Variants in DPP10 observed in about 807,000 individuals in gnomAD.
DPP10 encodes the protein dipeptidyl peptidase like 10.
DPP10 carries 33 observed loss-of-function variants against 120.9 expected under a neutral mutation model. The observed-to-expected ratio is 0.27, with a 90% CI of 0.21 to 0.37. The LOEUF (loss-of-function observed/expected upper bound fraction) is 0.37, where lower values mean the gene tolerates loss of function less well. DPP10 is among the 10% of genes least tolerant of loss of function. The pLI is 1.00. For synonymous variants in DPP10, 337 were observed against 326.1 expected (o/e 1.03, Z -0.36); for missense variants, 816 against 942.8 (o/e 0.87, Z 1.76).
At chr2:115,369,511 T>C (rs943021087) in intron 3 of DPP10, among the ~76,000 whole-genome samples, 1 of 152,022 alleles carries the variant, frequency 6.6e-6, no homozygotes, top group African/African-American at 2.4e-5. Context: ...GTTAGAAAGA[T>C]GAATGAGGGA....
intron 1 of DPP10, among the ~76,000 whole-genome samples, chr2:114,512,669 T>C (rs1684244253): frequency 6.6e-6 from 1 of 152,224 alleles, no homozygotes; most frequent in African/African-American, 2.4e-5. Context: ...TTACATATCA[T>C]GAGTTACCCA....
At chr2:115,783,330 C>T (rs767225884) in intron 17 of DPP10, among the ~76,000 whole-genome samples, 1 of 152,038 alleles carries the variant, frequency 6.6e-6, no homozygotes, top group East Asian at 1.9e-4. Context: ...CAGTCTGACT[C>T]GAGAATAGGT....
At chr2:114,869,117 C>G (rs865900102) in intron 1 of DPP10, among the ~76,000 whole-genome samples, 2 of 152,028 alleles carry the variant, frequency 1.3e-5, no homozygotes, top group African/African-American at 4.8e-5. Context: ...GGCTTCAGAG[C>G]AACACTGTAC....
intron 1 of DPP10, among the ~76,000 whole-genome samples, chr2:114,538,601 C>T (rs995868547): frequency 3.9e-5 from 6 of 152,106 alleles, no homozygotes; most frequent in Non-Finnish European, 7.4e-5. Flanking sequence ...AAATTGAGTC[C>T]TATTATTCCA....
intron 1 of DPP10, among the ~76,000 whole-genome samples, chr2:115,086,474 T>A (rs13028194): frequency 0.79 from 112,590 of 141,962 alleles, 45,404 homozygotes; most frequent in Non-Finnish European, 0.88. Context: ...TTTTTTTTTG[T>A]GACGGAGTCT....
chr2:115,173,580 T>G (rs986073952), intron 1 of DPP10, among the ~76,000 whole-genome samples: 1 of 152,238 alleles, frequency 6.6e-6, no homozygotes, highest in Non-Finnish European at 1.5e-5. Context: ...CAGCCAATTT[T>G]TAAGGAGAAA....
chr2:115,611,779 G>T (rs1261376904), intron 5 of DPP10, among the ~76,000 whole-genome samples: 1 of 152,012 alleles, frequency 6.6e-6, no homozygotes, highest in East Asian at 1.9e-4. Context: ...CTTATTAGTA[G>T]GGTTGCCTTG....
At chr2:115,620,703 T>C in intron 5 of DPP10, among the ~76,000 whole-genome samples, 1 of 152,220 alleles carries the variant, frequency 6.6e-6, no homozygotes, top group East Asian at 1.9e-4. Flanking sequence ...TTTTACCAGG[T>C]ACTTTCTCTA....
intron 1 of DPP10, among the ~76,000 whole-genome samples, chr2:115,172,892 G>C (rs1237536531): frequency 6.6e-6 from 1 of 152,118 alleles, no homozygotes; most frequent in African/African-American, 2.4e-5. Context: ...AAGCTTAAGG[G>C]CATCTTTAAT....
intron 1 of DPP10, among the ~76,000 whole-genome samples, chr2:114,530,592 A>G (rs1015874973): frequency 2.6e-5 from 4 of 152,242 alleles, no homozygotes; most frequent in African/African-American, 9.6e-5. Context: ...AGCATCCACA[A>G]TAAAACCTCA....
rs530337425 is a variant in DPP10, at chr2:114,975,035, G to T, written c.61-334204G>T. 7.3e-5 allele frequency among the ~76,000 whole-genome samples: 11 copies of T among 151,678 alleles called. No homozygotes were observed. In the South Asian group the frequency reaches 1.9e-3, roughly 26 times the overall value. ...AGGTGAGATAGAAAAATATCTAGAAGGATTTGCTTTTTTTTTTTTTTGAGA... is the reference window on the plus strand; with the variant it reads ...AGGTGAGATAGAAAAATATCTAGAATGATTTGCTTTTTTTTTTTTTTGAGA... On this transcript the variant is annotated intron_variant, in intron 1 of 25. Coordinates refer to ENST00000410059, the MANE Select transcript of DPP10 (RefSeq NM_020868.6).
At chr2:115,470,549 T>C (rs989612507) in intron 3 of DPP10, among the ~76,000 whole-genome samples, 10 of 152,130 alleles carry the variant, frequency 6.6e-5, no homozygotes, top group Admixed American at 1.3e-4. Context: ...CAGTTCAGAC[T>C]AGGAGAAAAA....
chr2:114,788,868 T>C (rs964479714), intron 1 of DPP10, among the ~76,000 whole-genome samples: 6 of 152,156 alleles, frequency 3.9e-5, no homozygotes, highest in African/African-American at 1.2e-4. Flanking sequence ...CGGCATCCTC[T>C]CACATGCTGC....
intron 5 of DPP10, among the ~76,000 whole-genome samples, chr2:115,535,308 T>A (rs1658274049): frequency 6.7e-6 from 1 of 148,648 alleles, no homozygotes; most frequent in African/African-American, 2.4e-5. Flanking sequence ...AAGGAAGGGA[T>A]CCAGTTTCAG....
rs143694198 is a variant in DPP10, at chr2:114,856,461, A to G, written c.60+413623A>G. Among the ~76,000 whole-genome samples the G allele has an allele frequency of 8.5e-5, 13 of 152,322 alleles. No individual in the cohort carries two copies. In the East Asian group the frequency reaches 2.5e-3, roughly 29 times the overall value. ...TGTCAATATGTCATCTGTGACAAGC[A>G]TGAGAATTTTGAGGACAATACTAAA... On this transcript the variant is annotated intron_variant, in intron 1 of 25. Coordinates refer to ENST00000410059, the MANE Select transcript of DPP10 (RefSeq NM_020868.6).
intron 1 of DPP10, among the ~76,000 whole-genome samples, chr2:115,222,970 T>C (rs2057251934): frequency 6.6e-6 from 1 of 152,142 alleles, no homozygotes; most frequent in Admixed American, 6.6e-5. Context: ...ATGTAATGAA[T>C]ATTTATAAGA....
chr2:115,513,015 C>T (rs557506301), intron 4 of DPP10, among the ~76,000 whole-genome samples: 1 of 152,004 alleles, frequency 6.6e-6, no homozygotes, highest in African/African-American at 2.4e-5. Context: ...TGTTTATTTT[C>T]CCTTTCAATT....
chr2:114,954,199 G>T (rs1252267334), intron 1 of DPP10, among the ~76,000 whole-genome samples: 1 of 149,120 alleles, frequency 6.7e-6, no homozygotes, highest in Non-Finnish European at 1.5e-5. Flanking sequence ...TCCTGCCTCA[G>T]CCTCCTGAGT....
chr2:115,268,407 C>T (rs919690614), intron 1 of DPP10, among the ~76,000 whole-genome samples: 1 of 152,148 alleles, frequency 6.6e-6, no homozygotes, highest in Admixed American at 6.5e-5. Context: ...AGTGAATGAA[C>T]GAATGTGTCT....
Sources: gnomAD v4.1 joint callset for allele counts (sites outside exome capture counted in the v4.1 genomes callset) on GRCh38, gnomAD v4.1.1 for gene constraint, MANE v1.5 for transcripts, NCBI Gene and HGNC (gene_info 2026-07-23, HGNC 2026-07-21) for gene names.